The following COPG2 variants were observed in gnomAD, a reference collection of about 807,000 sequenced individuals.
COPG2 encodes the protein coat protein complex I subunit gamma 2.
COPG2 carries 37 observed loss-of-function variants against 46.3 expected under a neutral mutation model. That is an observed-to-expected ratio of 0.80 (90% CI 0.61 to 1.05). The LOEUF (loss-of-function observed/expected upper bound fraction) is 1.05. Ranked by LOEUF, COPG2 falls within the 50% of genes least tolerant of loss-of-function variation. The probability of loss-of-function intolerance (pLI) is 0.00; values close to 1 mark genes in which losing one functional copy is unlikely to be tolerated. For synonymous variants in COPG2, 159 were observed against 129.7 expected (o/e 1.23, Z -1.53); for missense variants, 427 against 387.8 (o/e 1.10, Z -0.85).
chr7:130,546,700 CCAACA>C (rs1483564253), intron 20 of COPG2: 1 of 152,122 alleles, frequency 6.6e-6, no homozygotes, highest in East Asian at 1.9e-4. Flanking sequence ...CTCCCAGGAA[CCAACA>C]TCTAAGAAGG....
At chr7:130,528,304 T>C (rs1799792792) in intron 20 of COPG2, among the ~76,000 whole-genome samples, 1 of 151,906 alleles carries the variant, frequency 6.6e-6, no homozygotes, top group African/African-American at 2.4e-5. Flanking sequence ...CCAGAGTGTT[T>C]TCACAAGAAT....
chr7:130,526,713 G>C (rs1264171014), intron 20 of COPG2, among the ~76,000 whole-genome samples: 3 of 151,712 alleles, frequency 2.0e-5, no homozygotes, highest in Admixed American at 1.3e-4. Flanking sequence ...AAGTATAAGA[G>C]GGGTGGACAG....
chr7:130,620,232 T>G (rs1245535375), intron 5 of COPG2, among the ~76,000 whole-genome samples: 1 of 152,168 alleles, frequency 6.6e-6, no homozygotes, highest in Non-Finnish European at 1.5e-5. Context: ...GAGTGTCTGT[T>G]AAGTGTCAGA....
At chr7:130,604,351 A>C (rs1554450900) in intron 9 of COPG2, among the ~76,000 whole-genome samples, 1 of 152,202 alleles carries the variant, frequency 6.6e-6, no homozygotes. Context: ...TATATGCCTC[A>C]TTTACTTAGG....
chr7:130,586,764 C>T (rs1232506556), intron 9 of COPG2, among the ~76,000 whole-genome samples: 5 of 151,856 alleles, frequency 3.3e-5, no homozygotes, highest in African/African-American at 1.2e-4. Context: ...GCCCAGCCAA[C>T]TTATGGAAAA....
chr7:130,662,866 A>G (rs1262080173), intron 4 of COPG2, 101 bp downstream of exon 4: 1 of 702,506 alleles, frequency 1.4e-6, no homozygotes, highest in Admixed American at 2.9e-5. Context: ...ATAATTTAAA[A>G]CATTTCAAGC....
intron 9 of COPG2, among the ~76,000 whole-genome samples, chr7:130,599,347 T>C (rs575996234): frequency 6.6e-6 from 1 of 152,212 alleles, no homozygotes; most frequent in East Asian, 1.9e-4. Flanking sequence ...TTGACCTAGA[T>C]TTCACCTAGG....
In COPG2 at chr7:130,541,143, G is replaced by A. The variant is rs960818301; in HGVS notation, c.2149+6531C>T. 2.6e-5 allele frequency among the ~76,000 whole-genome samples: 4 copies of A among 152,238 alleles called. No homozygotes were observed. The East Asian group carries it at 5.8e-4, about 22-fold the overall frequency. ...TGTCAGGTGTGGGAACACAGTTCCC[G>A]ACAGATCAGGACAAAGATGACAGCG... is the stretch of plus-strand genomic sequence containing the variant. On this transcript the variant is annotated intron_variant, in intron 20 of 23. Coordinates refer to ENST00000425248, the MANE Select transcript of COPG2 (RefSeq NM_012133.6).
chr7:130,665,883 C>A (rs1183786811), intron 3 of COPG2, among the ~76,000 whole-genome samples: 1 of 151,452 alleles, frequency 6.6e-6, no homozygotes, highest in Non-Finnish European at 1.5e-5. Context: ...ACAACAGCAG[C>A]AAGCAGAATC....
At chr7:130,629,095 G>A (rs1795175236) in intron 5 of COPG2, among the ~76,000 whole-genome samples, 1 of 151,932 alleles carries the variant, frequency 6.6e-6, no homozygotes, top group Non-Finnish European at 1.5e-5. Context: ...ATTATCAGTT[G>A]ACACAACATT....
At chr7:130,573,719 C>T (rs1182782295) in intron 9 of COPG2, among the ~76,000 whole-genome samples, 2 of 151,934 alleles carry the variant, frequency 1.3e-5, no homozygotes, top group Admixed American at 6.6e-5. Context: ...AACACCCATG[C>T]GTGATTTTTA....
chr7:130,514,018 C>T (rs1554441405), intron 20 of COPG2, among the ~76,000 whole-genome samples: 1 of 152,168 alleles, frequency 6.6e-6, no homozygotes, highest in African/African-American at 2.4e-5. Context: ...GTGGCATGGA[C>T]AGGTAAAATG....
intron 9 of COPG2, chr7:130,605,267 T>G (rs781849530): frequency 1.9e-6 from 1 of 519,964 alleles, no homozygotes; most frequent in Non-Finnish European, 3.8e-6. Context: ...TTCAGCAAAT[T>G]ATCTGATTCA....
chr7:130,617,016 T>C lies in COPG2; in HGVS notation c.373A>G (p.Ile125Val), dbSNP rs377590347. 5 of 1,612,052 alleles carry C rather than the reference T, an allele frequency of 3.1e-6. No individual in the cohort carries two copies. The highest frequency in any genetic ancestry group is 4.2e-6 in the Non-Finnish European group (5 of 1,178,732). The change falls in exon 6 of 24, where the codon ATC (isoleucine) becomes GTC (valine). Residue 125 changes from isoleucine to valine, a missense_variant. Physicochemically the swap from Ile to Val is conservative, Grantham distance 29. Transcript: ENST00000425248. ...TCGGTGATCCTGCAGAGAGCTCTGA[T>C]GGCCGGGCCTCGGTATACATCTTCT... ...GKEDVYRGPAIRALCRITDGT... is the reference protein window; with the variant it reads ...GKEDVYRGPAVRALCRITDGT...
At chr7:130,645,583 C>A in intron 5 of COPG2, 1 of 175,314 alleles carries the variant, frequency 5.7e-6, no homozygotes, top group South Asian at 1.4e-4. Flanking sequence ...GCCACATCCC[C>A]CACGCTCACC....
At chr7:130,596,876 G>A (rs1392544223) in intron 9 of COPG2, among the ~76,000 whole-genome samples, 2 of 152,236 alleles carry the variant, frequency 1.3e-5, no homozygotes, top group Non-Finnish European at 2.9e-5. Flanking sequence ...ACAAGTCAAG[G>A]CTATGGGTAA....
chr7:130,645,240 G>A, intron 5 of COPG2: 2 of 695,922 alleles, frequency 2.9e-6, no homozygotes. Flanking sequence ...AAAGGCTCTT[G>A]TTCATCCAGC....
At chr7:130,598,775 G>A (rs1400647887) in intron 9 of COPG2, among the ~76,000 whole-genome samples, 1 of 152,142 alleles carries the variant, frequency 6.6e-6, no homozygotes, top group South Asian at 2.1e-4. Flanking sequence ...TTTACCAACG[G>A]GCTATCCAGC....
At chr7:130,599,274 G>A (rs1794587988) in intron 9 of COPG2, among the ~76,000 whole-genome samples, 1 of 152,172 alleles carries the variant, frequency 6.6e-6, no homozygotes, top group Admixed American at 6.5e-5. Flanking sequence ...GCTATGGGCT[G>A]GTAAGTGAAC....
Sources: gnomAD v4.1 joint callset for allele counts (sites outside exome capture counted in the v4.1 genomes callset) on GRCh38, gnomAD v4.1.1 for gene constraint, MANE v1.5 for transcripts, NCBI Gene and HGNC (gene_info 2026-07-23, HGNC 2026-07-21) for gene names.